Variants in PDGFD observed in about 807,000 individuals in gnomAD.
The protein encoded by PDGFD is platelet-derived growth factor D.
PDGFD carries 30 observed loss-of-function variants against 44.7 expected under a neutral mutation model. The ratio of observed to expected loss-of-function variants is 0.67; its 90% CI spans 0.50 to 0.91. PDGFD has a LOEUF of 0.91. Ranked by LOEUF, PDGFD falls within the 40% of genes least tolerant of loss-of-function variation. The pLI, the probability that PDGFD is intolerant of heterozygous loss-of-function variation, is 0.00. For missense variants in PDGFD, 445 were observed against 457.8 expected, an observed-to-expected ratio of 0.97 and a Z score of 0.25; for synonymous variants, 173 against 168.4, an observed-to-expected ratio of 1.03 and a Z score of -0.21.
intron 3 of PDGFD, among the ~76,000 whole-genome samples, chr11:103,962,870 C>T (rs1014711149): frequency 6.6e-6 from 1 of 152,080 alleles, no homozygotes; most frequent in African/African-American, 2.4e-5. Context: ...AAAATGAGTA[C>T]AATCTTTCTA....
intron 1 of PDGFD, among the ~76,000 whole-genome samples, chr11:104,109,571 C>A (rs1426818979): frequency 6.6e-6 from 1 of 152,026 alleles, no homozygotes; most frequent in Non-Finnish European, 1.5e-5. Flanking sequence ...AAAGATACTG[C>A]AACATTTGCA....
chr11:104,076,058 C>T (rs1224200414), intron 1 of PDGFD, among the ~76,000 whole-genome samples: 1 of 152,138 alleles, frequency 6.6e-6, no homozygotes, highest in Non-Finnish European at 1.5e-5. Context: ...CCATGTTATT[C>T]TTATAATAGT....
intron 1 of PDGFD, among the ~76,000 whole-genome samples, chr11:104,066,442 G>A (rs1000593130): frequency 6.6e-6 from 1 of 152,096 alleles, no homozygotes; most frequent in African/African-American, 2.4e-5. Context: ...CTTCATTACT[G>A]TAAAATCTGA....
intron 4 of PDGFD, among the ~76,000 whole-genome samples, chr11:103,946,809 G>C (rs552236757): frequency 5.9e-5 from 9 of 152,184 alleles, no homozygotes; most frequent in African/African-American, 1.7e-4. Flanking sequence ...TCCATACCAG[G>C]TGAATTAAAT....
intron 1 of PDGFD, among the ~76,000 whole-genome samples, chr11:104,107,373 C>T (rs1034704179): frequency 3.9e-5 from 6 of 152,090 alleles, no homozygotes; most frequent in African/African-American, 1.2e-4. Context: ...CCTGTAACCA[C>T]AAAGAACTGA....
At chr11:104,157,858 T>C (rs529447587) in intron 1 of PDGFD, among the ~76,000 whole-genome samples, 3 of 152,346 alleles carry the variant, frequency 2.0e-5, no homozygotes, top group Admixed American at 6.5e-5. Context: ...ATTAGCTTGA[T>C]TCAGTCATTG....
chr11:104,140,331 G>C (rs1355583562), intron 1 of PDGFD, among the ~76,000 whole-genome samples: 2 of 152,010 alleles, frequency 1.3e-5, no homozygotes, highest in Non-Finnish European at 2.9e-5. Context: ...AGCACAAAAT[G>C]CAAAGAAACA....
At chr11:104,069,842 A>AG (rs202089425) in intron 1 of PDGFD, among the ~76,000 whole-genome samples, 7,527 of 152,316 alleles carry the variant, frequency 0.049, 217 homozygotes, top group Non-Finnish European at 0.074. Flanking sequence ...CCTGGGTGAC[A>AG]GAGCGAGACT....
At chr11:104,114,605 T>C (rs1205889453) in intron 1 of PDGFD, among the ~76,000 whole-genome samples, 1 of 152,008 alleles carries the variant, frequency 6.6e-6, no homozygotes, top group East Asian at 1.9e-4. Flanking sequence ...ATATAAACTT[T>C]AGAATCAGTT....
chr11:103,967,471 T>C (rs372943774), intron 3 of PDGFD, among the ~76,000 whole-genome samples: 44 of 152,334 alleles, frequency 2.9e-4, no homozygotes, highest in South Asian at 2.5e-3. Context: ...CTCCATATCG[T>C]TGTGTATCTC....
intron 1 of PDGFD, among the ~76,000 whole-genome samples, chr11:104,012,084 T>C (rs1425354878): frequency 6.6e-6 from 1 of 152,134 alleles, no homozygotes; most frequent in Non-Finnish European, 1.5e-5. Context: ...TGATGATAAA[T>C]AGCTACCTAT....
chr11:103,982,692 T>A (rs911660205), intron 3 of PDGFD, among the ~76,000 whole-genome samples: 1 of 151,822 alleles, frequency 6.6e-6, no homozygotes, highest in Non-Finnish European at 1.5e-5. Flanking sequence ...AAAAGCTTTT[T>A]ACATTGATAA....
chr11:103,936,156 C>A (rs1269738142), intron 5 of PDGFD, among the ~76,000 whole-genome samples: 3 of 152,062 alleles, frequency 2.0e-5, no homozygotes, highest in Non-Finnish European at 4.4e-5. Context: ...TAATAAGCAA[C>A]ACAAGTTATT....
At chr11:104,026,095 A>G (rs944496420) in intron 1 of PDGFD, among the ~76,000 whole-genome samples, 10 of 152,148 alleles carry the variant, frequency 6.6e-5, no homozygotes, top group African/African-American at 2.4e-4. Context: ...CCATGGCTGT[A>G]ACACTATCTT....
chr11:103,947,804 T>C (rs1489173854), intron 3 of PDGFD, 80 bp from the exon 4 acceptor site: 3 of 1,061,060 alleles, frequency 2.8e-6, no homozygotes, highest in African/African-American at 1.6e-5. Context: ...ATCTCAGCCT[T>C]CTGAATCTTT....
intron 1 of PDGFD, among the ~76,000 whole-genome samples, chr11:104,016,546 G>C (rs1408540881): frequency 6.6e-6 from 1 of 152,184 alleles, no homozygotes; most frequent in Non-Finnish European, 1.5e-5. Context: ...CCGAGCTGAG[G>C]CCCATGTCCA....
chr11:104,127,051 C>G (rs1427587461), intron 1 of PDGFD, among the ~76,000 whole-genome samples: 1 of 152,034 alleles, frequency 6.6e-6, no homozygotes, highest in Non-Finnish European at 1.5e-5. Context: ...CGTGCCCATA[C>G]CCACACTAGC....
intron 1 of PDGFD, among the ~76,000 whole-genome samples, chr11:104,055,869 A>G (rs1168024136): frequency 6.6e-6 from 1 of 152,170 alleles, no homozygotes; most frequent in Non-Finnish European, 1.5e-5. Context: ...TCCTTCATAT[A>G]AGGAGAAAAA....
At chr11:104,035,013 T>C (rs1035249171) in intron 1 of PDGFD, among the ~76,000 whole-genome samples, 4 of 152,124 alleles carry the variant, frequency 2.6e-5, no homozygotes, top group African/African-American at 9.7e-5. Context: ...TCATTTGCCT[T>C]GAAGGACTTT....
Sources: allele counts gnomAD v4.1 joint callset (sites outside exome capture counted in the v4.1 genomes callset), GRCh38; gene constraint gnomAD v4.1.1; transcripts MANE v1.5; gene names NCBI Gene and HGNC (gene_info 2026-07-23, HGNC 2026-07-21).